HMBOX1: variants seen among roughly 807,000 people sequenced by gnomAD.
HMBOX1 encodes homeobox containing 1, also known as homeobox-containing protein 1.
In HMBOX1, 14 loss-of-function variants were observed where a neutral mutation model predicts 54.5. That is an observed-to-expected ratio of 0.26 (90% CI 0.17 to 0.40). The LOEUF (loss-of-function observed/expected upper bound fraction) is 0.40. Among genes scored for constraint, HMBOX1 ranks in the 10% least tolerant of loss-of-function variants. HMBOX1 has a pLI of 1.00. For synonymous variants in HMBOX1, 160 were observed against 181.0 expected, an observed-to-expected ratio of 0.88 and a Z score of 0.93; for missense variants, 332 against 514.4, an observed-to-expected ratio of 0.65 and a Z score of 3.43.
rs930607980 is a variant in HMBOX1 at position 28,896,389 on chromosome 8, G to T, written c.-58+5711G>T. On this transcript the variant is annotated intron_variant, in intron 1 of 9. Coordinates refer to ENST00000287701, the MANE Select transcript of HMBOX1 (RefSeq NM_001135726.3). ...TATGCCATTTTATCACAGGTGTGTA[G>T]ATTGCATAATCACCACCAAAATCAA... Among the ~76,000 whole-genome samples, 2 of 131,362 alleles carry T rather than the reference G, an allele frequency of 1.5e-5. 1 individual carries two copies. Among genetic ancestry groups the T allele is most frequent in the Non-Finnish European group, 3.6e-5 (2 of 54,928 alleles). The allele number at this position is 131,362 out of a possible 152,430, so 86.2% of individuals were successfully genotyped here. A position where few individuals can be genotyped will look rare whatever the true frequency, so the allele number is the denominator to read the frequency against.
intron 1 of HMBOX1, among the ~76,000 whole-genome samples, chr8:28,904,635 T>A (rs1476551151): frequency 2.0e-5 from 3 of 152,180 alleles, no homozygotes; most frequent in African/African-American, 7.2e-5. Context: ...TTGAACCTTT[T>A]TTTGTGTGTG....
intron 1 of HMBOX1, among the ~76,000 whole-genome samples, chr8:28,930,613 A>T (rs1048157084): frequency 3.3e-5 from 5 of 152,170 alleles, no homozygotes; most frequent in Non-Finnish European, 7.4e-5. Context: ...CCCCAGGTTT[A>T]AATCAAACCA....
At chr8:28,902,651 G>A (rs776604970) in intron 1 of HMBOX1, among the ~76,000 whole-genome samples, 10 of 152,136 alleles carry the variant, frequency 6.6e-5, no homozygotes, top group Admixed American at 2.0e-4. Flanking sequence ...AGTGCCTCAG[G>A]GCTCCAAAGG....
chr8:28,960,508 T>C (rs1825277017), intron 1 of HMBOX1, among the ~76,000 whole-genome samples: 1 of 151,924 alleles, frequency 6.6e-6, no homozygotes, highest in South Asian at 2.1e-4. Flanking sequence ...AAAGTATCTT[T>C]TTATCTTTAA....
chr8:28,904,148 G>A (rs1404242053), intron 1 of HMBOX1, among the ~76,000 whole-genome samples: 2 of 151,350 alleles, frequency 1.3e-5, no homozygotes, highest in African/African-American at 2.4e-5. Flanking sequence ...TACCCATAAT[G>A]TATCACTTAT....
intron 1 of HMBOX1, among the ~76,000 whole-genome samples, chr8:28,960,765 CTTTTTTTTTTT>C (rs1162477676): frequency 3.7e-4 from 6 of 16,256 alleles, no homozygotes; most frequent in Admixed American, 1.0e-3. Context: ...TTTTCTTTTT[CTTTTTTTTTTT>C]TTTTTTTTTT....
chr8:28,952,974 AAC>A, intron 1 of HMBOX1, among the ~76,000 whole-genome samples: 1 of 152,234 alleles, frequency 6.6e-6, no homozygotes, highest in Admixed American at 6.5e-5. Context: ...ACTATAGCAG[AAC>A]TACAGTTCTG....
At position 29,034,991 on chromosome 8, in the gene HMBOX1, A is replaced by G. The variant is rs116561074; in HGVS notation, c.852-10370A>G. Reference sequence around the variant, plus strand: ...AGAAGTCTAGGTTTAAGAAAAAGTAATAAGTACCCATGTGTACAAAGTATT... The same window carrying G: ...AGAAGTCTAGGTTTAAGAAAAAGTAGTAAGTACCCATGTGTACAAAGTATT... On this transcript the variant is annotated intron_variant, in intron 6 of 9. Coordinates refer to ENST00000287701, the MANE Select transcript of HMBOX1 (RefSeq NM_001135726.3). 3.3e-3 allele frequency among the ~76,000 whole-genome samples: 498 copies of G among 152,356 alleles called. 7 individuals are homozygous for G. The highest frequency in any genetic ancestry group is 0.011 in the African/African-American group (464 of 41,584).
chr8:28,967,227 C>T (rs536748534), intron 2 of HMBOX1, among the ~76,000 whole-genome samples: 7 of 152,214 alleles, frequency 4.6e-5, no homozygotes, highest in East Asian at 1.9e-4. Flanking sequence ...TGGGGTATTA[C>T]GAGTGATAGC....
chr8:28,996,725 T>C (rs1432467011), intron 4 of HMBOX1, among the ~76,000 whole-genome samples: 1 of 152,228 alleles, frequency 6.6e-6, no homozygotes, highest in African/African-American at 2.4e-5. Context: ...TCTGAGAGTT[T>C]TATACTTTTA....
At chr8:28,929,150 G>A (rs148288550) in intron 1 of HMBOX1, among the ~76,000 whole-genome samples, 5 of 152,142 alleles carry the variant, frequency 3.3e-5, no homozygotes, top group Non-Finnish European at 5.9e-5. Context: ...CCCCAATAAA[G>A]TTTTGGGGAA....
intron 5 of HMBOX1, among the ~76,000 whole-genome samples, chr8:29,014,394 G>A (rs886779678): frequency 6.6e-6 from 1 of 151,970 alleles, no homozygotes; most frequent in African/African-American, 2.4e-5. Context: ...CTGCATTCTA[G>A]TGTCTTTGTG....
At chr8:28,981,048 A>G (rs369060436) in intron 4 of HMBOX1, among the ~76,000 whole-genome samples, 1 of 152,164 alleles carries the variant, frequency 6.6e-6, no homozygotes, top group South Asian at 2.1e-4. Flanking sequence ...ATCTTCAACA[A>G]TAACTTATGA....
In HMBOX1 at chr8:29,009,551, CTTGT is replaced by C. The variant is rs1380109763; in HGVS notation, c.697+373_697+376del. 85 of 406,426 alleles carry C rather than the reference CTTGT, an allele frequency of 2.1e-4. No homozygotes were observed. In the African/African-American group the frequency reaches 3.1e-3, roughly 15 times the overall value. The allele number at this position is 406,426 out of a possible 1,614,324, so 25.2% of individuals were successfully genotyped here. A position where few individuals can be genotyped will look rare whatever the true frequency, so the allele number is the denominator to read the frequency against. ...TTTTTTTTTTTTTTTTTTTGCAAAT[CTTGT>C]TTGAATTAGTAATGTAAATTTAATA... On this transcript the variant is annotated intron_variant, in intron 5 of 9. Coordinates refer to ENST00000287701, the MANE Select transcript of HMBOX1 (RefSeq NM_001135726.3).
At chr8:29,030,000 TG>T (rs1802675005) in intron 6 of HMBOX1, among the ~76,000 whole-genome samples, 1 of 152,050 alleles carries the variant, frequency 6.6e-6, no homozygotes, top group Non-Finnish European at 1.5e-5. Flanking sequence ...CCTTACCTTC[TG>T]GTACTTTAGT....
intron 4 of HMBOX1, among the ~76,000 whole-genome samples, chr8:28,997,159 G>A (rs916926677): frequency 8.5e-5 from 13 of 152,180 alleles, no homozygotes; most frequent in African/African-American, 2.9e-4. Context: ...GAAGTGGCAA[G>A]AGCAAACATC....
intron 6 of HMBOX1, among the ~76,000 whole-genome samples, chr8:29,041,138 G>A (rs934287960): frequency 6.6e-6 from 1 of 152,090 alleles, no homozygotes; most frequent in Non-Finnish European, 1.5e-5. Context: ...GTTTATTTCA[G>A]AAATTCAACA....
intron 1 of HMBOX1, 77 bp from the exon 2 acceptor site, chr8:28,963,734 T>A (rs1459699766): frequency 1.0e-5 from 6 of 600,326 alleles, no homozygotes; most frequent in Non-Finnish European, 1.5e-5. Context: ...TTGCTGTCCA[T>A]CAGTTACATA....
At chr8:28,980,818 C>G (rs1221672458) in intron 4 of HMBOX1, among the ~76,000 whole-genome samples, 1 of 151,952 alleles carries the variant, frequency 6.6e-6, no homozygotes, top group East Asian at 1.9e-4. Context: ...ATTTATAAGA[C>G]CCTTAAAAAA....
Sources: gnomAD v4.1 joint callset for allele counts (sites outside exome capture counted in the v4.1 genomes callset) on GRCh38, gnomAD v4.1.1 for gene constraint, MANE v1.5 for transcripts, NCBI Gene and HGNC (gene_info 2026-07-23, HGNC 2026-07-21) for gene names.